VIT: variants seen among roughly 807,000 people sequenced by gnomAD.
The protein encoded by VIT is vitrin.
Under a neutral mutation model 78.0 loss-of-function variants are expected in VIT, and 99 were observed. The ratio of observed to expected loss-of-function variants is 1.27; its 90% CI spans 1.08 to 1.50. The LOEUF (loss-of-function observed/expected upper bound fraction) is 1.50. Ranked by LOEUF, VIT falls within the 40% of genes most tolerant of loss-of-function variation. VIT has a pLI of 0.00. For missense variants in VIT, 1,126 were observed against 875.3 expected (o/e 1.29, Z -3.61); for synonymous variants, 374 against 334.3 (o/e 1.12, Z -1.29).
intron 1 of VIT, among the ~76,000 whole-genome samples, chr2:36,710,257 T>C (rs150821934): frequency 6.6e-6 from 1 of 152,226 alleles, no homozygotes; most frequent in African/African-American, 2.4e-5. Context: ...TATTAACATA[T>C]ACGCACAGGG....
chr2:36,787,550 G>A (rs1319703679), intron 12 of VIT, among the ~76,000 whole-genome samples: 1 of 152,258 alleles, frequency 6.6e-6, no homozygotes, highest in African/African-American at 2.4e-5. Flanking sequence ...AAACAGGAGA[G>A]ATGCGTGTGA....
At chr2:36,729,530 T>C (rs749679517) in intron 3 of VIT, 39 bp downstream of exon 3, 3 of 1,587,156 alleles carry the variant, frequency 1.9e-6, no homozygotes, top group Non-Finnish European at 2.6e-6. Context: ...ATAATGCTTG[T>C]TTCTCCCACA....
At chr2:36,773,912 T>A in intron 8 of VIT, 65 bp downstream of exon 8, 2 of 1,483,282 alleles carry the variant, frequency 1.3e-6, no homozygotes, top group South Asian at 2.8e-5. Flanking sequence ...GCGGTTCCTC[T>A]CCACATCTTT....
At chr2:36,724,106 C>T (rs540736748) in intron 2 of VIT, among the ~76,000 whole-genome samples, 20 of 151,856 alleles carry the variant, frequency 1.3e-4, no homozygotes, top group Non-Finnish European at 2.2e-4. Context: ...GCAACCTCCA[C>T]CTTCTGGTTT....
intron 1 of VIT, among the ~76,000 whole-genome samples, chr2:36,706,003 T>G (rs1484862991): frequency 6.6e-6 from 1 of 152,198 alleles, no homozygotes; most frequent in African/African-American, 2.4e-5. Context: ...ATATGTCTCC[T>G]GCGGGACCAA....
At chr2:36,739,750 G>C (rs949312075) in intron 3 of VIT, among the ~76,000 whole-genome samples, 1 of 152,124 alleles carries the variant, frequency 6.6e-6, no homozygotes, top group Non-Finnish European at 1.5e-5. Flanking sequence ...CGGTGGGTGG[G>C]TGGGGTCGCA....
intron 7 of VIT, among the ~76,000 whole-genome samples, chr2:36,770,609 T>C (rs371926682): frequency 2.0e-5 from 3 of 152,286 alleles, no homozygotes; most frequent in Admixed American, 6.5e-5. Flanking sequence ...AAGGAGGCTG[T>C]TCTTCATGGG....
chr2:36,756,034 C>T (rs1054578903), intron 5 of VIT, among the ~76,000 whole-genome samples: 1 of 147,488 alleles, frequency 6.8e-6, no homozygotes, highest in Non-Finnish European at 1.5e-5. Flanking sequence ...CTCGGCTCAC[C>T]GCAACCTCTG....
chr2:36,785,210 C>T (rs954369237), intron 11 of VIT, among the ~76,000 whole-genome samples: 1 of 152,218 alleles, frequency 6.6e-6, no homozygotes, highest in Non-Finnish European at 1.5e-5. Flanking sequence ...GGAAGGGAAA[C>T]TCCACCTCAG....
chr2:36,807,424 C>G (rs1261438541), intron 14 of VIT, among the ~76,000 whole-genome samples: 1 of 152,200 alleles, frequency 6.6e-6, no homozygotes, highest in African/African-American at 2.4e-5. Flanking sequence ...GGTGGAAATC[C>G]CTCCCTCCAT....
chr2:36,805,626 G>C lies in VIT; in HGVS notation c.1351G>C (p.Glu451Gln). ...FITIEGAAEN[E>Q]KQYVVEPNFA... ...CACCATTGAAGGTGCTGCTGAAAAT[G>C]AGAAGCAGTATGTGGTGGAGCCCAA... Residue 451 changes from glutamate (E) to glutamine (Q), a missense_variant, in exon 14 of 16, where the codon GAG (glutamate) becomes CAG (glutamine). Glu to Gln is a conservative substitution (Grantham distance 29). Coordinates refer to ENST00000379242, the MANE Select transcript of VIT (RefSeq NM_053276.4). 6.2e-7 allele frequency: 1 copy of C among 1,614,144 alleles called. No individual in the cohort carries two copies. The highest frequency in any genetic ancestry group is 1.3e-5 in the African/African-American group (1 of 75,034).
rs575917877 is a variant in VIT at position 36,717,902 on chromosome 2, A to T, written c.52+1480A>T. ...GTGTCAAGAGGGTTGGTTCTTTCAG[A>T]GGGCTGCAAGGGAGGAATCTGTTCC... On this transcript the variant is annotated intron_variant, in intron 2 of 15. Coordinates refer to ENST00000379242, the MANE Select transcript of VIT (RefSeq NM_053276.4). Among the ~76,000 whole-genome samples the T allele has an allele frequency of 2.0e-4, 31 of 152,282 alleles. No homozygotes were observed. In the East Asian group the frequency reaches 6.0e-3, roughly 29 times the overall value.
intron 3 of VIT, among the ~76,000 whole-genome samples, chr2:36,742,654 T>C (rs911131359): frequency 6.6e-6 from 1 of 152,186 alleles, no homozygotes; most frequent in African/African-American, 2.4e-5. Context: ...CAAGCCAACC[T>C]TGTCCAGGTC....
At chr2:36,746,827 C>G (rs1450066903) in intron 4 of VIT, among the ~76,000 whole-genome samples, 1 of 151,958 alleles carries the variant, frequency 6.6e-6, no homozygotes, top group Non-Finnish European at 1.5e-5. Flanking sequence ...TTAGTGATTT[C>G]TTTTCTCCCA....
intron 1 of VIT, among the ~76,000 whole-genome samples, chr2:36,703,187 G>C (rs1424432008): frequency 1.6e-4 from 25 of 152,226 alleles, no homozygotes; most frequent in Admixed American, 1.6e-3. Context: ...TGAGAACCAA[G>C]ATCTCTGGCT....
At chr2:36,801,529 C>A in intron 13 of VIT, 125 bp downstream of exon 13, 1 of 892,878 alleles carries the variant, frequency 1.1e-6, no homozygotes, top group Non-Finnish European at 1.7e-6. Flanking sequence ...AACTTCTGGT[C>A]GGGCGTGGTG....
At chr2:36,699,515 G>GTTTT (rs752879190) in intron 1 of VIT, among the ~76,000 whole-genome samples, 2,313 of 44,086 alleles carry the variant, frequency 0.052, 68 homozygotes, top group African/African-American at 0.097. Context: ...ATTAGAGGGG[G>GTTTT]TTATATATAT....
intron 12 of VIT, among the ~76,000 whole-genome samples, chr2:36,794,639 T>C (rs1391284304): frequency 6.6e-6 from 1 of 152,230 alleles, no homozygotes; most frequent in African/African-American, 2.4e-5. Flanking sequence ...GAGGATCTGA[T>C]GAAAAATTCA....
Position 36,781,791 on chromosome 2 carries a change from T to A in VIT, c.847+20T>A, listed in dbSNP as rs751978845. 6.2e-7 allele frequency: 1 copy of A among 1,613,956 alleles called. No individual in the cohort carries two copies. The highest frequency in any genetic ancestry group is 8.5e-7 in the Non-Finnish European group (1 of 1,179,890). ...ATGAAGGTAATTATACAGCCCAACC[T>A]CTCAGCCACGCGTGGATCAAGATGC... On this transcript the variant is annotated intron_variant, in intron 10 of 15. Coordinates refer to ENST00000379242, the MANE Select transcript of VIT (RefSeq NM_053276.4).
Sources: allele counts gnomAD v4.1 joint callset (sites outside exome capture counted in the v4.1 genomes callset), GRCh38; gene constraint gnomAD v4.1.1; transcripts MANE v1.5; gene names NCBI Gene and HGNC (gene_info 2026-07-23, HGNC 2026-07-21).